Variants in TMEM144 observed in about 807,000 individuals in gnomAD.
The protein encoded by TMEM144 is transmembrane protein 144.
TMEM144 carries 39 observed loss-of-function variants against 43.6 expected under a neutral mutation model. The observed-to-expected ratio is 0.90, with a 90% confidence interval of 0.69 to 1.17. The LOEUF is 1.17. TMEM144 is among the 50% of genes most tolerant of loss of function. The pLI is 0.00. For synonymous variants in TMEM144, 154 were observed against 133.6 expected (o/e 1.15, Z -1.06); for missense variants, 417 against 411.9 (o/e 1.01, Z -0.11).
At chr4:158,211,608 C>T (rs1201639544) in intron 2 of TMEM144, 34 bp downstream of exon 2, 1 of 152,158 alleles carries the variant, frequency 6.6e-6, no homozygotes, top group Non-Finnish European at 1.5e-5. Context: ...TCTCTTTGAG[C>T]CTAACAGTAG....
chr4:158,222,777 G>GCACACACA (rs1410749034), intron 6 of TMEM144, among the ~76,000 whole-genome samples: 1 of 152,168 alleles, frequency 6.6e-6, no homozygotes, highest in Non-Finnish European at 1.5e-5. Context: ...AACTGCACGT[G>GCACACACA]CACACACACA....
At position 158,254,067 on chromosome 4, in the gene TMEM144, TTC is replaced by T. The variant is rs1302564783; in HGVS notation, c.*542_*543del. The T allele has an allele frequency of 6.6e-6, 1 of 152,348 alleles. No individual in the cohort carries two copies. Among genetic ancestry groups the T allele is most frequent in the African/African-American group, 2.4e-5 (1 of 41,448 alleles). 9.4% of individuals were successfully genotyped at this position (152,348 alleles called of 1,614,324 possible). On this transcript the variant is annotated 3_prime_UTR_variant, in exon 13 of 13. Coordinates refer to ENST00000296529, the MANE Select transcript of TMEM144 (RefSeq NM_018342.5). Reference sequence around the variant, plus strand: ...CCATTTTATTATTGTTAGCCAAAACTTCTGTTTATTTCAAGTTAATATCGCCC... The same window carrying T: ...CCATTTTATTATTGTTAGCCAAAACTTGTTTATTTCAAGTTAATATCGCCC...
chr4:158,212,935 T>TGAGCAGTCAGAAACA, intron 3 of TMEM144, 159 bp downstream of exon 3: 1 of 665,760 alleles, frequency 1.5e-6, no homozygotes, highest in South Asian at 1.8e-5. Flanking sequence ...CATACCAGTT[T>TGAGCAGTCAGAAACA]GTCTGAAAGT....
intron 6 of TMEM144, among the ~76,000 whole-genome samples, chr4:158,224,311 C>G (rs1043725323): frequency 6.6e-6 from 1 of 150,776 alleles, no homozygotes; most frequent in African/African-American, 2.4e-5. Flanking sequence ...GGATATTAAA[C>G]CTTTGTCAGA....
intron 12 of TMEM144, among the ~76,000 whole-genome samples, chr4:158,245,602 TG>T (rs772973093): frequency 6.6e-6 from 1 of 152,082 alleles, no homozygotes; most frequent in Non-Finnish European, 1.5e-5. Flanking sequence ...CAGTTAATTT[TG>T]GGGGTGAGGG....
chr4:158,211,428 A>G (rs763336809), intron 1 of TMEM144, 25 bp from the exon 2 acceptor site: 4 of 152,210 alleles, frequency 2.6e-5, no homozygotes, highest in African/African-American at 4.8e-5. Flanking sequence ...TGTGTTAGCT[A>G]TCACCCAGTC....
chr4:158,253,502 T>TA lies in TMEM144; in HGVS notation c.1014dup (p.Cys339MetfsTer6). On this transcript the variant is annotated frameshift_variant, in exon 13 of 13. Transcript: ENST00000296529. LOFTEE classifies it high-confidence loss of function. ...TTTTGCATCATCTTGACTGGAGCCT[T>TA]ATGCACTGCTTTTTCTAAAATCTAA... 1.2e-6 allele frequency: 2 copies of TA among 1,613,824 alleles called. No individual in the cohort carries two copies. Among genetic ancestry groups the TA allele is most frequent in the Non-Finnish European group, 1.7e-6 (2 of 1,179,840 alleles).
chr4:158,238,968 A>C (rs1026520442), intron 9 of TMEM144, among the ~76,000 whole-genome samples: 1 of 152,228 alleles, frequency 6.6e-6, no homozygotes, highest in Non-Finnish European at 1.5e-5. Context: ...ATTTAAAAAC[A>C]CATATGTAAT....
intron 9 of TMEM144, among the ~76,000 whole-genome samples, chr4:158,238,588 T>C: frequency 6.6e-6 from 1 of 151,968 alleles, no homozygotes. Context: ...TAAAACAAGG[T>C]CTCACTAAAG....
At chr4:158,228,516 A>T (rs1734891401) in intron 6 of TMEM144, among the ~76,000 whole-genome samples, 2 of 152,228 alleles carry the variant, frequency 1.3e-5, no homozygotes, top group Non-Finnish European at 2.9e-5. Flanking sequence ...TCCAAGTACC[A>T]GTTCCTTCCC....
At chr4:158,211,298 T>C (rs1218599433) in intron 1 of TMEM144, 155 bp from the exon 2 acceptor site, 5 of 152,324 alleles carry the variant, frequency 3.3e-5, no homozygotes, top group African/African-American at 1.2e-4. Flanking sequence ...AGGGCCTTTG[T>C]GGAGCCTTCT....
chr4:158,223,689 T>C (rs1322336284), intron 6 of TMEM144, among the ~76,000 whole-genome samples: 1 of 152,240 alleles, frequency 6.6e-6, no homozygotes, highest in Non-Finnish European at 1.5e-5. Context: ...TATGTTAGTT[T>C]GCTGAGGATG....
intron 12 of TMEM144, among the ~76,000 whole-genome samples, chr4:158,250,112 G>A (rs1736119890): frequency 6.7e-6 from 1 of 150,294 alleles, no homozygotes. Context: ...TATCTACTCT[G>A]ATTCTTTAAG....
At chr4:158,252,745 T>G (rs866998775) in intron 12 of TMEM144, among the ~76,000 whole-genome samples, 3 of 149,450 alleles carry the variant, frequency 2.0e-5, no homozygotes, top group Middle Eastern at 6.8e-3. Context: ...GAGGCGGAGG[T>G]TGCAGTGAGC....
At chr4:158,237,401 G>T in intron 8 of TMEM144, 124 bp from the exon 9 acceptor site, 1 of 726,744 alleles carries the variant, frequency 1.4e-6, no homozygotes, top group Non-Finnish European at 2.3e-6. Flanking sequence ...CAGAGCTTGA[G>T]ATAAATGGAT....
chr4:158,242,011 G>T (rs1436157958), intron 11 of TMEM144, among the ~76,000 whole-genome samples: 1 of 152,230 alleles, frequency 6.6e-6, no homozygotes, highest in Non-Finnish European at 1.5e-5. Flanking sequence ...AGTAGACAGA[G>T]AGTTGGTTTT....
intron 1 of TMEM144, 42 bp downstream of exon 1, chr4:158,210,628 G>A (rs1324838087): frequency 6.6e-6 from 1 of 152,214 alleles, no homozygotes; most frequent in African/African-American, 2.4e-5. Flanking sequence ...CGCTTTGCAG[G>A]GGAGCGTCTC....
At chr4:158,244,437 C>A in intron 12 of TMEM144, 88 bp downstream of exon 12, 1 of 1,054,208 alleles carries the variant, frequency 9.5e-7, no homozygotes, top group Non-Finnish European at 1.4e-6. Context: ...TTTGGGAGGC[C>A]GAGGCAGGTG....
At chr4:158,238,707 C>A (rs1735480137) in intron 9 of TMEM144, among the ~76,000 whole-genome samples, 1 of 152,100 alleles carries the variant, frequency 6.6e-6, no homozygotes, top group Non-Finnish European at 1.5e-5. Flanking sequence ...CTCTTAGAGT[C>A]CTTGTAGGCA....
Sources: allele counts gnomAD v4.1 joint callset (sites outside exome capture counted in the v4.1 genomes callset), GRCh38; gene constraint gnomAD v4.1.1; transcripts MANE v1.5; gene names NCBI Gene and HGNC (gene_info 2026-07-23, HGNC 2026-07-21).